PREX2: variants seen among roughly 807,000 people sequenced by gnomAD.
PREX2 encodes phosphatidylinositol-3,4,5-trisphosphate dependent Rac exchange factor 2.
In PREX2, 107 loss-of-function variants were observed where a neutral mutation model predicts 203.2. The ratio of observed to expected loss-of-function variants is 0.53; its 90% CI spans 0.45 to 0.62. PREX2 has a LOEUF of 0.62. Ranked by LOEUF, PREX2 falls within the 20% of genes least tolerant of loss-of-function variation. PREX2 has a pLI of 0.00. For synonymous variants in PREX2, 672 were observed against 663.6 expected, an observed-to-expected ratio of 1.01 and a Z score of -0.19; for missense variants, 1,777 against 1,955.9, an observed-to-expected ratio of 0.91 and a Z score of 1.72.
chr8:68,104,031 G>A (rs981688935), intron 23 of PREX2, among the ~76,000 whole-genome samples: 1 of 152,170 alleles, frequency 6.6e-6, no homozygotes, highest in Non-Finnish European at 1.5e-5. Context: ...CAGTGCTCCT[G>A]CAGTTTGCTT....
chr8:67,990,818 T>C (rs1806578988), intron 1 of PREX2, among the ~76,000 whole-genome samples: 1 of 152,040 alleles, frequency 6.6e-6, no homozygotes, highest in Non-Finnish European at 1.5e-5. Flanking sequence ...GCCTCCCAGG[T>C]GGTTTTGATG....
At chr8:68,085,074 AG>A (rs1809640542) in intron 18 of PREX2, among the ~76,000 whole-genome samples, 1 of 152,192 alleles carries the variant, frequency 6.6e-6, no homozygotes. Flanking sequence ...TACAGGTTCA[AG>A]CCTCTCTTCC....
intron 14 of PREX2, 84 bp from the exon 15 acceptor site, chr8:68,077,313 G>T: frequency 3.3e-6 from 3 of 900,472 alleles, no homozygotes; most frequent in Non-Finnish European, 5.7e-6. Context: ...GTCTGAATTT[G>T]GTGCTGGGAA....
chr8:68,047,288 G>A (rs1808380808), intron 8 of PREX2, among the ~76,000 whole-genome samples: 2 of 151,496 alleles, frequency 1.3e-5, no homozygotes, highest in African/African-American at 2.4e-5. Flanking sequence ...TACACATGAA[G>A]CTCTGATGCA....
At chr8:67,992,098 T>C (rs1222980975) in intron 1 of PREX2, among the ~76,000 whole-genome samples, 1 of 151,674 alleles carries the variant, frequency 6.6e-6, no homozygotes, top group African/African-American at 2.4e-5. Context: ...ACTCTGGTCT[T>C]TCCCTTGGAC....
intron 37 of PREX2, 29 bp from the exon 38 acceptor site, chr8:68,217,587 G>C: frequency 1.3e-6 from 2 of 1,552,398 alleles, no homozygotes; most frequent in Non-Finnish European, 1.8e-6. Context: ...GAACCATGGG[G>C]TCTGACTTGC....
At position 68,047,675 on chromosome 8, in the gene PREX2, C is replaced by T. The variant is rs141204683; in HGVS notation, c.943+3085C>T. On this transcript the variant is annotated intron_variant, in intron 8 of 39. Coordinates refer to ENST00000288368, the MANE Select transcript of PREX2 (RefSeq NM_024870.4). ...TAGGTGGGACTACAGGCATGCAACA[C>T]TGGGCCTGGCACTTAGAACTTGTGA... Among the ~76,000 whole-genome samples the T allele has an allele frequency of 2.1e-4, 32 of 151,270 alleles. 1 individual carries two copies. In the East Asian group the frequency reaches 4.7e-3, roughly 22 times the overall value.
chr8:68,046,587 GAC>G (rs1438151735), intron 8 of PREX2, among the ~76,000 whole-genome samples: 3 of 152,132 alleles, frequency 2.0e-5, no homozygotes, highest in African/African-American at 2.4e-5. Flanking sequence ...TTAGAAGAAA[GAC>G]ACAAAATTGC....
At chr8:68,188,804 G>A (rs1812240468) in intron 35 of PREX2, among the ~76,000 whole-genome samples, 1 of 152,128 alleles carries the variant, frequency 6.6e-6, no homozygotes, top group South Asian at 2.1e-4. Context: ...CTTGACACGT[G>A]AGGATTATAA....
chr8:68,152,508 G>T (rs1240088419), intron 34 of PREX2, among the ~76,000 whole-genome samples: 1 of 152,040 alleles, frequency 6.6e-6, no homozygotes, highest in Admixed American at 6.6e-5. Context: ...ATTGGAGGAG[G>T]ATGGGAGGTT....
At chr8:68,084,730 A>G (rs1809631328) in intron 18 of PREX2, among the ~76,000 whole-genome samples, 1 of 152,120 alleles carries the variant, frequency 6.6e-6, no homozygotes, top group South Asian at 2.1e-4. Context: ...CTCTCCCTTT[A>G]TTCAACTCTG....
chr8:68,131,652 T>C (rs573392746), intron 31 of PREX2, among the ~76,000 whole-genome samples: 1 of 152,326 alleles, frequency 6.6e-6, no homozygotes, highest in Non-Finnish European at 1.5e-5. Context: ...GCAAATAGTA[T>C]ATAGTAGCAG....
chr8:68,098,278 T>C (rs1188877497), intron 22 of PREX2, among the ~76,000 whole-genome samples: 1 of 152,226 alleles, frequency 6.6e-6, no homozygotes, highest in African/African-American at 2.4e-5. Flanking sequence ...GTTTGAATTG[T>C]TGTTTAAAAT....
intron 30 of PREX2, among the ~76,000 whole-genome samples, chr8:68,123,282 G>A (rs1264672636): frequency 6.6e-6 from 1 of 152,044 alleles, no homozygotes; most frequent in African/African-American, 2.4e-5. Flanking sequence ...ATATCCAAAA[G>A]TTAGAAAGAT....
At chr8:67,960,101 C>T (rs943509737) in intron 1 of PREX2, among the ~76,000 whole-genome samples, 2 of 151,858 alleles carry the variant, frequency 1.3e-5, no homozygotes, top group African/African-American at 4.8e-5. Context: ...AGTGCAGTGG[C>T]GCGATCTTGG....
intron 19 of PREX2, among the ~76,000 whole-genome samples, chr8:68,088,047 C>T (rs1809754508): frequency 6.6e-6 from 1 of 152,076 alleles, no homozygotes; most frequent in African/African-American, 2.4e-5. Flanking sequence ...CACTTTTCTG[C>T]ATCCTTCAGT....
At position 68,228,944 on chromosome 8, in the gene PREX2, T is replaced by TAA. The variant is rs58993264; in HGVS notation, c.4776-2367_4776-2366dup. Among the ~76,000 whole-genome samples the TAA allele has an allele frequency of 6.9e-3, 710 of 103,484 alleles. 5 individuals are homozygous for TAA. Among genetic ancestry groups the TAA allele is most frequent in the African/African-American group, 0.026 (650 of 25,248 alleles). The allele number at this position is 103,484 out of a possible 152,430, so 67.9% of individuals were successfully genotyped here. A position where few individuals can be genotyped will look rare whatever the true frequency, so the allele number is the denominator to read the frequency against. ...GAGACAGAGTGAGACCTTGTCTCTT[T>TAA]AAAAAAAAAAAAAAAAAAAAAAAGA... On this transcript the variant is annotated intron_variant, in intron 39 of 39. Coordinates refer to ENST00000288368, the MANE Select transcript of PREX2 (RefSeq NM_024870.4).
At chr8:68,091,745 T>A (rs2129612248) in intron 20 of PREX2, among the ~76,000 whole-genome samples, 1 of 152,374 alleles carries the variant, frequency 6.6e-6, no homozygotes, top group Non-Finnish European at 1.5e-5. Context: ...AATGATCAAA[T>A]CTTTTCTCTT....
At chr8:68,003,446 T>C (rs955774008) in intron 1 of PREX2, among the ~76,000 whole-genome samples, 1 of 152,164 alleles carries the variant, frequency 6.6e-6, no homozygotes, top group African/African-American at 2.4e-5. Context: ...GTGGAGCTAG[T>C]GAGTACTATA....
Sources: allele counts gnomAD v4.1 joint callset (sites outside exome capture counted in the v4.1 genomes callset), GRCh38; gene constraint gnomAD v4.1.1; transcripts MANE v1.5; gene names NCBI Gene and HGNC (gene_info 2026-07-23, HGNC 2026-07-21).